Variants in FUT9 observed in about 807,000 individuals in gnomAD.
FUT9 encodes 4-galactosyl-N-acetylglucosaminide 3-alpha-L-fucosyltransferase 9.
FUT9 carries 15 observed loss-of-function variants against 29.7 expected under a neutral mutation model. The ratio of observed to expected loss-of-function variants is 0.51; its 90% CI spans 0.34 to 0.78. FUT9 has a LOEUF of 0.78. Among genes scored for constraint, FUT9 ranks in the 30% least tolerant of loss-of-function variants. FUT9 has a pLI of 0.01. For synonymous variants in FUT9, 169 were observed against 153.7 expected, an observed-to-expected ratio of 1.10 and a Z score of -0.74; for missense variants, 319 against 425.4, an observed-to-expected ratio of 0.75 and a Z score of 2.20.
chr6:96,066,418 T>G (rs575945648), intron 1 of FUT9, among the ~76,000 whole-genome samples: 4 of 152,156 alleles, frequency 2.6e-5, no homozygotes, highest in South Asian at 4.1e-4. Flanking sequence ...GTATACTGAT[T>G]GCTCTACACA....
chr6:96,113,812 C>A (rs1317069769), intron 1 of FUT9, among the ~76,000 whole-genome samples: 1 of 149,424 alleles, frequency 6.7e-6, no homozygotes, highest in Non-Finnish European at 1.5e-5. Flanking sequence ...CGAGATCATG[C>A]CACTGCACTC....
chr6:96,133,025 T>G (rs991375630), intron 2 of FUT9, among the ~76,000 whole-genome samples: 2 of 151,940 alleles, frequency 1.3e-5, no homozygotes, highest in African/African-American at 4.8e-5. Context: ...TGAGATCTTG[T>G]TGCATCCATC....
intron 1 of FUT9, among the ~76,000 whole-genome samples, chr6:96,070,762 A>T (rs1222629833): frequency 1.3e-5 from 2 of 152,300 alleles, no homozygotes; most frequent in African/African-American, 4.8e-5. Flanking sequence ...TTGAATAAAA[A>T]CTTGAATGTG....
intron 2 of FUT9, among the ~76,000 whole-genome samples, chr6:96,202,663 T>C (rs1473341932): frequency 1.3e-5 from 2 of 152,142 alleles, no homozygotes; most frequent in African/African-American, 2.4e-5. Context: ...AACAAAAACA[T>C]AACGTTTTTA....
At chr6:96,178,933 T>A (rs549934257) in intron 2 of FUT9, among the ~76,000 whole-genome samples, 2 of 152,092 alleles carry the variant, frequency 1.3e-5, no homozygotes, top group Non-Finnish European at 1.5e-5. Flanking sequence ...TCTTTAAGGA[T>A]CTCATTAATA....
At chr6:96,075,331 C>A (rs1328517642) in intron 1 of FUT9, among the ~76,000 whole-genome samples, 1 of 152,070 alleles carries the variant, frequency 6.6e-6, no homozygotes, top group Non-Finnish European at 1.5e-5. Flanking sequence ...AGAAACAAAG[C>A]CTTCGACCAG....
chr6:96,120,297 GTC>G (rs1771999763), intron 2 of FUT9, among the ~76,000 whole-genome samples: 2 of 117,562 alleles, frequency 1.7e-5, no homozygotes, highest in Non-Finnish European at 3.3e-5. Context: ...TTGAGATGGA[GTC>G]TCTCTGTGTT....
chr6:96,168,929 TCCTA>T lies in FUT9; in HGVS notation c.-8-34214_-8-34211del, dbSNP rs139103739. 9.4e-3 allele frequency among the ~76,000 whole-genome samples: 1,432 copies of T among 152,316 alleles called. 23 individuals carry two copies. The highest frequency in any genetic ancestry group is 0.033 in the African/African-American group (1,374 of 41,558). ...TTGGCTCTCATAGGAATAAAGCTTA[TCCTA>T]CCTATCGCAACAGGCAGGAAAGCAT... On this transcript the variant is annotated intron_variant, in intron 2 of 2. Coordinates refer to ENST00000302103, the MANE Select transcript of FUT9 (RefSeq NM_006581.4).
At chr6:96,198,433 CA>C (rs530382046) in intron 2 of FUT9, among the ~76,000 whole-genome samples, 151 of 152,220 alleles carry the variant, frequency 9.9e-4, no homozygotes, top group African/African-American at 3.4e-3. Context: ...CATGTCCCTA[CA>C]AAGGACATGA....
chr6:96,092,261 T>C (rs950818454), intron 1 of FUT9, among the ~76,000 whole-genome samples: 1 of 152,112 alleles, frequency 6.6e-6, no homozygotes, highest in African/African-American at 2.4e-5. Flanking sequence ...TATGGGAATA[T>C]CCCTGAAACA....
intron 1 of FUT9, among the ~76,000 whole-genome samples, chr6:96,111,697 G>C (rs1251935052): frequency 6.6e-6 from 1 of 151,984 alleles, no homozygotes; most frequent in African/African-American, 2.4e-5. Flanking sequence ...TCTCAGCCAA[G>C]GTCTTTTTGA....
At chr6:96,073,575 A>C (rs753379087) in intron 1 of FUT9, among the ~76,000 whole-genome samples, 1 of 152,232 alleles carries the variant, frequency 6.6e-6, no homozygotes, top group Non-Finnish European at 1.5e-5. Flanking sequence ...GCAGGTCTAA[A>C]TATCAAGAGT....
At chr6:96,190,154 C>T (rs1248122963) in intron 2 of FUT9, among the ~76,000 whole-genome samples, 1 of 152,074 alleles carries the variant, frequency 6.6e-6, no homozygotes, top group Non-Finnish European at 1.5e-5. Context: ...TTTATTTCTC[C>T]TTCACTTATG....
At chr6:96,041,797 G>T (rs1463930758) in intron 1 of FUT9, among the ~76,000 whole-genome samples, 1 of 152,052 alleles carries the variant, frequency 6.6e-6, no homozygotes, top group Non-Finnish European at 1.5e-5. Flanking sequence ...TGTTAATCCC[G>T]ATGAGTCTCC....
At chr6:96,023,999 A>C (rs1020115713) in intron 1 of FUT9, among the ~76,000 whole-genome samples, 2 of 151,924 alleles carry the variant, frequency 1.3e-5, no homozygotes, top group Admixed American at 1.3e-4. Flanking sequence ...ATGAAGTATA[A>C]GCACTTAATA....
chr6:96,124,411 A>G (rs1772093704), intron 2 of FUT9, among the ~76,000 whole-genome samples: 1 of 152,006 alleles, frequency 6.6e-6, no homozygotes, highest in African/African-American at 2.4e-5. Flanking sequence ...CGGCCTCCCA[A>G]AGTGCTGGGA....
intron 2 of FUT9, among the ~76,000 whole-genome samples, chr6:96,186,072 T>G (rs1429544522): frequency 1.3e-5 from 2 of 152,134 alleles, no homozygotes; most frequent in Non-Finnish European, 2.9e-5. Context: ...CCAAAAAGTA[T>G]GTTAATTAGT....
At chr6:96,147,411 C>T (rs79977463) in intron 2 of FUT9, among the ~76,000 whole-genome samples, 22,436 of 151,884 alleles carry the variant, frequency 0.15, 1,887 homozygotes, top group Admixed American at 0.25. Flanking sequence ...TCAGGTGATC[C>T]GCCTGCCTCA....
intron 2 of FUT9, among the ~76,000 whole-genome samples, chr6:96,148,168 T>C (rs1473862500): frequency 6.6e-6 from 1 of 152,158 alleles, no homozygotes; most frequent in Non-Finnish European, 1.5e-5. Flanking sequence ...TTTCCAACAG[T>C]TTAGTGCAAT....
Sources: gnomAD v4.1 joint callset for allele counts (sites outside exome capture counted in the v4.1 genomes callset) on GRCh38, gnomAD v4.1.1 for gene constraint, MANE v1.5 for transcripts, NCBI Gene and HGNC (gene_info 2026-07-23, HGNC 2026-07-21) for gene names.